The following AFF3 variants were observed in gnomAD, a reference collection of about 807,000 sequenced individuals.
The protein encoded by AFF3 is AF4/FMR2 family member 3.
In AFF3, 32 loss-of-function variants were observed where a neutral mutation model predicts 129.7. The observed-to-expected ratio is 0.25, with a 90% CI of 0.19 to 0.33. The LOEUF is 0.33. Ranked by LOEUF, AFF3 falls within the 10% of genes least tolerant of loss-of-function variation. The probability of loss-of-function intolerance (pLI) is 1.00; values close to 1 mark genes in which losing one functional copy is unlikely to be tolerated. For synonymous variants in AFF3, 644 were observed against 635.4 expected, an observed-to-expected ratio of 1.01 and a Z score of -0.20; for missense variants, 1,373 against 1,592.0, an observed-to-expected ratio of 0.86 and a Z score of 2.34.
At chr2:99,757,035 G>A (rs1682162352) in intron 8 of AFF3, among the ~76,000 whole-genome samples, 1 of 152,086 alleles carries the variant, frequency 6.6e-6, no homozygotes, top group Non-Finnish European at 1.5e-5. Flanking sequence ...TGGCTCCCAC[G>A]CTGTCCTCCT....
chr2:99,648,309 C>T (rs548315552), intron 13 of AFF3, among the ~76,000 whole-genome samples: 43 of 152,340 alleles, frequency 2.8e-4, no homozygotes, highest in East Asian at 2.5e-3. Flanking sequence ...GTTTCCCTTG[C>T]GTCTCAGTGC....
intron 12 of AFF3, among the ~76,000 whole-genome samples, chr2:99,651,740 C>G (rs1685278823): frequency 6.6e-6 from 1 of 152,106 alleles, no homozygotes; most frequent in Non-Finnish European, 1.5e-5. Context: ...CCACGCCTGG[C>G]CTATGTTTAC....
At chr2:100,115,907 T>G (rs1691716285) in intron 2 of AFF3, among the ~76,000 whole-genome samples, 1 of 152,198 alleles carries the variant, frequency 6.6e-6, no homozygotes, top group Non-Finnish European at 1.5e-5. Flanking sequence ...GTGCTGTCAA[T>G]TTTATTGTTG....
chr2:99,799,430 C>T (rs1164334773), intron 8 of AFF3, among the ~76,000 whole-genome samples: 1 of 151,778 alleles, frequency 6.6e-6, no homozygotes, highest in East Asian at 1.9e-4. Flanking sequence ...AGAAAATATA[C>T]TTGAATAAAT....
intron 2 of AFF3, among the ~76,000 whole-genome samples, chr2:100,117,830 A>G (rs1691790981): frequency 1.3e-5 from 2 of 152,246 alleles, no homozygotes; most frequent in Admixed American, 1.3e-4. Flanking sequence ...TCACAAGTTC[A>G]GGGGATTTTA....
Position 99,578,335 on chromosome 2 carries a change from G to A in AFF3, c.2910C>T (p.Phe970=), listed in dbSNP as rs142157056. ...AAAGCGTCTGAACTTACATATCATC[G>A]AAGACAAGTTTCTGCCTCTTGCAGT... ...HRDCKRQKLV[F]DDMPRSADYF... The change falls in exon 18 of 25, where the codon TTC becomes TTT. Residue 970 remains phenylalanine (F), a synonymous_variant. Coordinates refer to ENST00000672756, the MANE Select transcript of AFF3 (RefSeq NM_001386135.1). 2.8e-4 allele frequency: 445 copies of A among 1,599,048 alleles called. 2 individuals are homozygous for A. In the East Asian group the frequency reaches 6.9e-3, roughly 25 times the overall value.
intron 8 of AFF3, among the ~76,000 whole-genome samples, chr2:99,773,609 C>A (rs1344858162): frequency 6.6e-6 from 1 of 152,012 alleles, no homozygotes; most frequent in Non-Finnish European, 1.5e-5. Context: ...AACAAAGAGA[C>A]AAAAGTCACT....
At chr2:100,024,716 T>C (rs1466778363) in intron 4 of AFF3, among the ~76,000 whole-genome samples, 4 of 152,086 alleles carry the variant, frequency 2.6e-5, no homozygotes, top group Non-Finnish European at 4.4e-5. Context: ...CTTCGTACAA[T>C]AGAAGACTGT....
intron 4 of AFF3, among the ~76,000 whole-genome samples, chr2:100,066,718 T>C (rs1687747694): frequency 6.6e-6 from 1 of 152,212 alleles, no homozygotes; most frequent in Admixed American, 6.5e-5. Context: ...TTAGCATCAC[T>C]GCAAGAGAAA....
chr2:99,618,882 T>G (rs1401732709), intron 13 of AFF3, among the ~76,000 whole-genome samples: 2 of 137,694 alleles, frequency 1.5e-5, no homozygotes, highest in African/African-American at 5.6e-5. Flanking sequence ...AAGCTACAGA[T>G]AGCTCTGATC....
intron 10 of AFF3, among the ~76,000 whole-genome samples, chr2:99,739,616 A>G (rs1680544025): frequency 1.3e-5 from 2 of 151,718 alleles, no homozygotes; most frequent in African/African-American, 4.9e-5. Context: ...CAAACGATCT[A>G]CCTTTTAAAA....
At chr2:99,776,644 C>T (rs1334234183) in intron 8 of AFF3, among the ~76,000 whole-genome samples, 2 of 152,212 alleles carry the variant, frequency 1.3e-5, no homozygotes, top group East Asian at 3.8e-4. Flanking sequence ...GGAGAGGGAA[C>T]TGGCATGAGG....
At chr2:99,800,398 G>C (rs1685852356) in intron 8 of AFF3, among the ~76,000 whole-genome samples, 1 of 152,048 alleles carries the variant, frequency 6.6e-6, no homozygotes, top group Non-Finnish European at 1.5e-5. Flanking sequence ...AGAATGTTTA[G>C]GATTAAAAAG....
At chr2:99,681,058 GT>G (rs999373075) in intron 11 of AFF3, among the ~76,000 whole-genome samples, 7 of 151,336 alleles carry the variant, frequency 4.6e-5, no homozygotes, top group Non-Finnish European at 1.0e-4. Flanking sequence ...TGGGCATCAG[GT>G]TTTTTTTTCT....
chr2:99,830,131 G>A lies in AFF3; in HGVS notation c.921+7346C>T, dbSNP rs538662621. On this transcript the variant is annotated intron_variant, in intron 8 of 24. Transcript: ENST00000672756. ...ACACCAGGGCCTATCAGAGGGTGGAGGGCAAGGGAGGGAGAGCATTAGGAC... is the reference window on the plus strand; with the variant it reads ...ACACCAGGGCCTATCAGAGGGTGGAAGGCAAGGGAGGGAGAGCATTAGGAC... Among the ~76,000 whole-genome samples the A allele has an allele frequency of 2.6e-5, 4 of 152,210 alleles. No homozygotes were observed. In the East Asian group the frequency reaches 5.8e-4, roughly 22 times the overall value.
intron 11 of AFF3, among the ~76,000 whole-genome samples, chr2:99,672,879 T>C (rs1687291623): frequency 1.3e-5 from 2 of 152,088 alleles, no homozygotes; most frequent in Admixed American, 6.5e-5. Context: ...CAATAACGTA[T>C]TGTATATTTC....
intron 7 of AFF3, among the ~76,000 whole-genome samples, chr2:99,923,468 A>G (rs1695999811): frequency 6.6e-6 from 1 of 152,236 alleles, no homozygotes. Flanking sequence ...ATTCTACCCA[A>G]GTACTCTCAA....
At chr2:99,763,497 A>G (rs969234941) in intron 8 of AFF3, among the ~76,000 whole-genome samples, 1 of 152,208 alleles carries the variant, frequency 6.6e-6, no homozygotes, top group Non-Finnish European at 1.5e-5. Context: ...TCCGTGAACT[A>G]TGATTGCACC....
At chr2:99,790,796 T>C (rs1448051979) in intron 8 of AFF3, among the ~76,000 whole-genome samples, 1 of 152,186 alleles carries the variant, frequency 6.6e-6, no homozygotes, top group Non-Finnish European at 1.5e-5. Flanking sequence ...TGTACGGTGA[T>C]TGTACTCTGG....
Sources: gnomAD v4.1 joint callset for allele counts (sites outside exome capture counted in the v4.1 genomes callset) on GRCh38, gnomAD v4.1.1 for gene constraint, MANE v1.5 for transcripts, NCBI Gene and HGNC (gene_info 2026-07-23, HGNC 2026-07-21) for gene names.